The following GRIA1 variants were observed in gnomAD, a reference collection of about 807,000 sequenced individuals.
GRIA1 encodes the protein glutamate ionotropic receptor AMPA type subunit 1.
Under a neutral mutation model 99.2 loss-of-function variants are expected in GRIA1, and 31 were observed. The ratio of observed to expected loss-of-function variants is 0.31; its 90% CI spans 0.23 to 0.42. The LOEUF is 0.42. Among genes scored for constraint, GRIA1 ranks in the 10% least tolerant of loss-of-function variants. GRIA1 has a pLI of 1.00. For missense variants in GRIA1, 782 were observed against 1,157.5 expected (o/e 0.68, Z 4.71); for synonymous variants, 438 against 432.4 (o/e 1.01, Z -0.16).
rs76414803 is a variant in GRIA1 at position 153,783,946 on chromosome 5, G to A, written c.2271-10675G>A. Among the ~76,000 whole-genome samples, 34 of 152,288 alleles carry A rather than the reference G, an allele frequency of 2.2e-4. No homozygotes were observed. In the East Asian group the frequency reaches 4.3e-3, roughly 19 times the overall value. On this transcript the variant is annotated intron_variant, in intron 13 of 15. Transcript: ENST00000285900. Reference sequence around the variant, plus strand: ...ATCAGAAGCGTGTAAGATGACTAGGGTTCCACAAAGTGGTGAAGTGTCCTA... The same window carrying A: ...ATCAGAAGCGTGTAAGATGACTAGGATTCCACAAAGTGGTGAAGTGTCCTA...
intron 2 of GRIA1, among the ~76,000 whole-genome samples, chr5:153,505,818 A>G (rs111838298): frequency 7.2e-4 from 110 of 152,338 alleles, no homozygotes; most frequent in African/African-American, 2.5e-3. Flanking sequence ...GATCATTACT[A>G]GGGTCATAAA....
chr5:153,688,928 G>C (rs114370225), intron 8 of GRIA1, among the ~76,000 whole-genome samples: 2,027 of 152,088 alleles, frequency 0.013, 19 homozygotes, highest in Middle Eastern at 0.031. Context: ...CACGACGTTG[G>C]CCAGACTGGT....
At chr5:153,762,273 C>T (rs1335252687) in intron 11 of GRIA1, among the ~76,000 whole-genome samples, 1 of 152,122 alleles carries the variant, frequency 6.6e-6, no homozygotes, top group Non-Finnish European at 1.5e-5. Flanking sequence ...TCACACTCCA[C>T]CCCATAAATA....
chr5:153,752,004 G>T (rs893574939), intron 11 of GRIA1, among the ~76,000 whole-genome samples: 1 of 152,052 alleles, frequency 6.6e-6, no homozygotes, highest in Non-Finnish European at 1.5e-5. Context: ...CAGTCAGCCC[G>T]CCCCTTCCCA....
chr5:153,705,786 C>A lies in GRIA1; in HGVS notation c.1542C>A (p.Ile514=). The part of the protein sequence containing the change: ...DFSKPFMSLG[I]SIMIKKPQKS... ...CCAAACCATTTATGAGTTTGGGGAT[C>A]TCCATCATGATTAAAAAACCACAGA... The change falls in exon 11 of 16, where the codon ATC becomes ATA. Residue 514 remains isoleucine, a synonymous_variant. Coordinates refer to ENST00000285900, the MANE Select transcript of GRIA1 (RefSeq NM_000827.4). 1 of 1,561,782 alleles carries A rather than the reference C, an allele frequency of 6.4e-7. No individual in the cohort carries two copies. The highest frequency in any genetic ancestry group is 8.7e-7 in the Non-Finnish European group (1 of 1,149,926).
chr5:153,538,910 T>C (rs772266262), intron 2 of GRIA1, among the ~76,000 whole-genome samples: 1 of 152,182 alleles, frequency 6.6e-6, no homozygotes, highest in Non-Finnish European at 1.5e-5. Flanking sequence ...AATATCTTAA[T>C]CCTAGCATGT....
chr5:153,804,580 A>T (rs1766285604), intron 15 of GRIA1, among the ~76,000 whole-genome samples: 1 of 152,098 alleles, frequency 6.6e-6, no homozygotes, highest in Non-Finnish European at 1.5e-5. Context: ...CTTTCTTCTC[A>T]TTGCTTGTCT....
intron 8 of GRIA1, among the ~76,000 whole-genome samples, chr5:153,691,996 C>CTCTCACTCCTCTTTCTCTAGCTCATT (rs1283241660): frequency 2.0e-5 from 3 of 152,216 alleles, no homozygotes; most frequent in Non-Finnish European, 4.4e-5. Context: ...GTGGCATCAG[C>CTCTCACTCCTCTTTCTCTAGCTCATT]TCTCACTCCT....
At chr5:153,750,041 G>A (rs1762410727) in intron 11 of GRIA1, among the ~76,000 whole-genome samples, 1 of 152,090 alleles carries the variant, frequency 6.6e-6, no homozygotes, top group African/African-American at 2.4e-5. Context: ...GGCAGCTGGG[G>A]CAATTAAAAT....
chr5:153,712,287 C>T (rs536519233), intron 11 of GRIA1, among the ~76,000 whole-genome samples: 6 of 152,194 alleles, frequency 3.9e-5, no homozygotes, highest in Admixed American at 6.5e-5. Flanking sequence ...CCTGACCTTG[C>T]GATCTGCCCA....
At chr5:153,631,737 C>T (rs1368134700) in intron 2 of GRIA1, among the ~76,000 whole-genome samples, 2 of 152,088 alleles carry the variant, frequency 1.3e-5, no homozygotes, top group Non-Finnish European at 2.9e-5. Context: ...TTGCCATCCA[C>T]GTTGCATCAG....
Position 153,517,735 on chromosome 5 carries a change from G to A in GRIA1, c.220+23670G>A, listed in dbSNP as rs78134697. 1.4e-3 allele frequency among the ~76,000 whole-genome samples: 217 copies of A among 152,160 alleles called. 3 individuals are homozygous for A. The East Asian group carries it at 0.037, about 26-fold the overall frequency. ...CAAAAAAAATCTCTACCATAACCCC[G>A]TATCCCTCACACTGTGATCTTTTTC... On this transcript the variant is annotated intron_variant, in intron 2 of 15. Coordinates refer to ENST00000285900, the MANE Select transcript of GRIA1 (RefSeq NM_000827.4).
At chr5:153,682,678 C>T (rs189405773) in intron 7 of GRIA1, among the ~76,000 whole-genome samples, 1 of 152,264 alleles carries the variant, frequency 6.6e-6, no homozygotes, top group East Asian at 1.9e-4. Context: ...GACCCCCACC[C>T]TGCTCCTTGG....
chr5:153,689,582 A>T (rs1757589054), intron 8 of GRIA1, among the ~76,000 whole-genome samples: 1 of 152,190 alleles, frequency 6.6e-6, no homozygotes, highest in Admixed American at 6.5e-5. Context: ...TGCAACAAGT[A>T]AGAATAGAAG....
intron 11 of GRIA1, among the ~76,000 whole-genome samples, chr5:153,750,641 C>T (rs1394643419): frequency 6.6e-6 from 1 of 152,144 alleles, no homozygotes; most frequent in Non-Finnish European, 1.5e-5. Context: ...CTCCCCCTGC[C>T]CCTATACCCA....
intron 2 of GRIA1, among the ~76,000 whole-genome samples, chr5:153,531,450 T>C (rs1758092947): frequency 1.3e-5 from 2 of 152,230 alleles, no homozygotes; most frequent in Admixed American, 6.5e-5. Flanking sequence ...TGTGTCTTTT[T>C]CTTTCTAAAT....
intron 13 of GRIA1, among the ~76,000 whole-genome samples, chr5:153,779,953 G>A (rs982516882): frequency 3.3e-5 from 5 of 152,154 alleles, no homozygotes; most frequent in African/African-American, 9.7e-5. Flanking sequence ...AAAGCGAGGT[G>A]GCAGGGATGT....
chr5:153,783,789 A>T (rs1240734216), intron 13 of GRIA1, among the ~76,000 whole-genome samples: 5 of 152,234 alleles, frequency 3.3e-5, no homozygotes, highest in Admixed American at 3.3e-4. Context: ...AATAGAGCTC[A>T]GATTAGATGA....
chr5:153,574,247 G>A (rs1231703078), intron 2 of GRIA1: 1 of 152,170 alleles, frequency 6.6e-6, no homozygotes, highest in Non-Finnish European at 1.5e-5. Flanking sequence ...TGGAGAGAGA[G>A]AGCTTGGTAA....
Sources: allele counts gnomAD v4.1 joint callset (sites outside exome capture counted in the v4.1 genomes callset), GRCh38; gene constraint gnomAD v4.1.1; transcripts MANE v1.5; gene names NCBI Gene and HGNC (gene_info 2026-07-23, HGNC 2026-07-21).